The following CNTN4 variants were observed in gnomAD, a reference collection of about 807,000 sequenced individuals.
The protein encoded by CNTN4 is contactin 4.
In CNTN4, 77 loss-of-function variants were observed where a neutral mutation model predicts 122.5. The ratio of observed to expected loss-of-function variants is 0.63; its 90% CI spans 0.52 to 0.76. CNTN4 has a LOEUF of 0.76. CNTN4 is among the 30% of genes least tolerant of loss of function. The pLI is 0.00. For synonymous variants in CNTN4, 512 were observed against 447.0 expected (o/e 1.15, Z -1.83); for missense variants, 1,256 against 1,259.1 (o/e 1.00, Z 0.04).
At chr3:2,954,963 C>A (rs1487209181) in intron 13 of CNTN4, among the ~76,000 whole-genome samples, 7 of 152,090 alleles carry the variant, frequency 4.6e-5, no homozygotes, top group African/African-American at 1.7e-4. Context: ...CTGCCCCCTG[C>A]CCCGCACCAC....
intron 2 of CNTN4, among the ~76,000 whole-genome samples, chr3:2,224,510 A>G (rs2039191047): frequency 6.6e-6 from 1 of 151,974 alleles, no homozygotes; most frequent in Admixed American, 6.6e-5. Flanking sequence ...TCCCCTTATT[A>G]TTCAACTGTG....
rs556001955 is a variant in CNTN4, at chr3:3,001,854, G to T, written c.1486+13382G>T. Among the ~76,000 whole-genome samples the T allele has an allele frequency of 3.9e-5, 6 of 152,288 alleles. 1 individual carries two copies. Among genetic ancestry groups the T allele is most frequent in the African/African-American group, 1.2e-4 (5 of 41,554 alleles). ...ATAATGCTGTACATGATTCTACACTGAATCTGCATTTCACTCCCATATCTA... is the reference window on the plus strand; with the variant it reads ...ATAATGCTGTACATGATTCTACACTTAATCTGCATTTCACTCCCATATCTA... On this transcript the variant is annotated intron_variant, in intron 14 of 24. Transcript: ENST00000418658.
chr3:2,896,934 T>TG (rs981880576), intron 10 of CNTN4, among the ~76,000 whole-genome samples: 2 of 149,856 alleles, frequency 1.3e-5, no homozygotes, highest in Non-Finnish European at 3.0e-5. Flanking sequence ...TTAGAGGGTT[T>TG]TTTTTTTTTT....
intron 3 of CNTN4, among the ~76,000 whole-genome samples, chr3:2,466,801 A>C (rs747982008): frequency 3.3e-5 from 5 of 152,194 alleles, no homozygotes; most frequent in Non-Finnish European, 5.9e-5. Flanking sequence ...TAGCTCTTTT[A>C]TGGTAATGGT....
chr3:2,895,755 C>T, intron 10 of CNTN4, among the ~76,000 whole-genome samples: 1 of 152,234 alleles, frequency 6.6e-6, no homozygotes, highest in East Asian at 1.9e-4. Flanking sequence ...AAAGGAGGGG[C>T]TGGGCGCAGT....
intron 3 of CNTN4, among the ~76,000 whole-genome samples, chr3:2,414,607 C>T (rs2047347012): frequency 6.6e-6 from 1 of 151,918 alleles, no homozygotes; most frequent in African/African-American, 2.4e-5. Flanking sequence ...TGAATATGAT[C>T]ATAGTAGATT....
intron 14 of CNTN4, among the ~76,000 whole-genome samples, chr3:3,021,832 C>A (rs1030165437): frequency 1.3e-5 from 2 of 152,174 alleles, no homozygotes; most frequent in African/African-American, 4.8e-5. Context: ...GTAATCCCAG[C>A]ACTTTGGGAG....
chr3:2,820,931 TC>T (rs1236106126), intron 7 of CNTN4, among the ~76,000 whole-genome samples: 4 of 150,744 alleles, frequency 2.7e-5, no homozygotes, highest in African/African-American at 9.8e-5. Flanking sequence ...TCTTTTATAT[TC>T]TTTTTCTCAC....
At chr3:2,263,207 A>G (rs1314220258) in intron 2 of CNTN4, among the ~76,000 whole-genome samples, 1 of 152,142 alleles carries the variant, frequency 6.6e-6, no homozygotes, top group Non-Finnish European at 1.5e-5. Context: ...TATATTTTAA[A>G]ACACTGTTGC....
chr3:2,940,323 A>G (rs938296405), intron 13 of CNTN4, among the ~76,000 whole-genome samples: 4 of 152,270 alleles, frequency 2.6e-5, no homozygotes, highest in Admixed American at 6.5e-5. Context: ...CCACAAAGTC[A>G]TTCAGGATGA....
intron 3 of CNTN4, among the ~76,000 whole-genome samples, chr3:2,447,496 T>C (rs2048668273): frequency 6.6e-6 from 1 of 152,132 alleles, no homozygotes; most frequent in African/African-American, 2.4e-5. Context: ...TTATAATATA[T>C]TTTATGTGCT....
rs962549033 is a variant in CNTN4 at position 2,187,165 on chromosome 3, C to T, written c.-145+86526C>T. On this transcript the variant is annotated intron_variant, in intron 2 of 24. Coordinates refer to ENST00000418658, the MANE Select transcript of CNTN4 (RefSeq NM_175607.3). ...ACATATGGCTAGCCTGTTTTCCCAGCACCATTTATTAAATAGGGAATCCTT... is the reference window on the plus strand; with the variant it reads ...ACATATGGCTAGCCTGTTTTCCCAGTACCATTTATTAAATAGGGAATCCTT... Among the ~76,000 whole-genome samples the T allele has an allele frequency of 5.3e-5, 8 of 152,152 alleles. 1 individual carries two copies. The highest frequency in any genetic ancestry group is 1.3e-4 in the Admixed American group (2 of 15,280).
At chr3:2,968,505 G>A (rs1692553099) in intron 13 of CNTN4, among the ~76,000 whole-genome samples, 1 of 152,140 alleles carries the variant, frequency 6.6e-6, no homozygotes, top group African/African-American at 2.4e-5. Flanking sequence ...CTTTTTGTCT[G>A]AATTTTCTGA....
At chr3:2,217,584 C>G (rs187813528) in intron 2 of CNTN4, among the ~76,000 whole-genome samples, 4 of 152,156 alleles carry the variant, frequency 2.6e-5, no homozygotes, top group Admixed American at 2.6e-4. Flanking sequence ...ATAGATGTGA[C>G]TAATATTCAC....
intron 6 of CNTN4, among the ~76,000 whole-genome samples, chr3:2,775,289 C>T (rs1406966495): frequency 6.6e-6 from 1 of 152,168 alleles, no homozygotes; most frequent in Non-Finnish European, 1.5e-5. Flanking sequence ...CTCATCTCTT[C>T]TCCTCCCGTG....
chr3:2,782,775 A>T (rs2091656882), intron 6 of CNTN4, among the ~76,000 whole-genome samples: 2 of 152,128 alleles, frequency 1.3e-5, no homozygotes, highest in Non-Finnish European at 2.9e-5. Flanking sequence ...TTAATGTATA[A>T]CAAAAGAAAA....
intron 4 of CNTN4, among the ~76,000 whole-genome samples, chr3:2,604,050 C>T (rs1428561976): frequency 6.6e-6 from 1 of 152,166 alleles, no homozygotes; most frequent in African/African-American, 2.4e-5. Context: ...GCAAATCATA[C>T]AGGCTCTTAA....
intron 14 of CNTN4, among the ~76,000 whole-genome samples, chr3:3,014,780 G>A (rs4105580): frequency 0.61 from 92,469 of 151,126 alleles, 28,723 homozygotes; most frequent in Middle Eastern, 0.73. Context: ...TTTAAATTTT[G>A]TGTTCCCTGT....
At chr3:2,126,607 A>G (rs2034183460) in intron 2 of CNTN4, among the ~76,000 whole-genome samples, 1 of 152,190 alleles carries the variant, frequency 6.6e-6, no homozygotes, top group Non-Finnish European at 1.5e-5. Context: ...GCTCCTTAGC[A>G]CGTAATTGTT....
Sources: allele counts gnomAD v4.1 joint callset (sites outside exome capture counted in the v4.1 genomes callset), GRCh38; gene constraint gnomAD v4.1.1; transcripts MANE v1.5; gene names NCBI Gene and HGNC (gene_info 2026-07-23, HGNC 2026-07-21).